The following ARHGAP26 variants were observed in gnomAD, a reference collection of about 807,000 sequenced individuals.
The protein encoded by ARHGAP26 is Rho GTPase activating protein 26, also known as rho GTPase-activating protein 26.
Under a neutral mutation model 104.8 loss-of-function variants are expected in ARHGAP26, and 38 were observed. That is an observed-to-expected ratio of 0.36 (90% CI 0.28 to 0.48). The LOEUF (loss-of-function observed/expected upper bound fraction) is 0.48. ARHGAP26 is among the 20% of genes least tolerant of loss of function. ARHGAP26 has a pLI of 0.99. For missense variants in ARHGAP26, 704 were observed against 947.9 expected, an observed-to-expected ratio of 0.74 and a Z score of 3.38; for synonymous variants, 341 against 340.0, an observed-to-expected ratio of 1.00 and a Z score of -0.03.
At chr5:142,896,945 A>G (rs575543024) in intron 6 of ARHGAP26, among the ~76,000 whole-genome samples, 3 of 152,202 alleles carry the variant, frequency 2.0e-5, no homozygotes, top group African/African-American at 7.2e-5. Flanking sequence ...AGCAATTATT[A>G]TTTTTTATTT....
intron 11 of ARHGAP26, among the ~76,000 whole-genome samples, chr5:142,968,852 C>T (rs1054997356): frequency 6.6e-6 from 1 of 152,194 alleles, no homozygotes; most frequent in Non-Finnish European, 1.5e-5. Flanking sequence ...AATAGATGCT[C>T]AACAAATATT....
At chr5:142,842,559 C>T (rs535503020) in intron 1 of ARHGAP26, among the ~76,000 whole-genome samples, 38 of 152,270 alleles carry the variant, frequency 2.5e-4, no homozygotes, top group African/African-American at 9.1e-4. Context: ...CCCTGTGTGT[C>T]GGGAAGGACT....
At chr5:142,992,016 T>G (rs1562219688) in intron 11 of ARHGAP26, among the ~76,000 whole-genome samples, 1 of 151,948 alleles carries the variant, frequency 6.6e-6, no homozygotes, top group Non-Finnish European at 1.5e-5. Context: ...AATTCTTAAC[T>G]TTTTCAAAAA....
chr5:142,973,668 T>C (rs1290094936), intron 11 of ARHGAP26, among the ~76,000 whole-genome samples: 1 of 152,240 alleles, frequency 6.6e-6, no homozygotes, highest in Non-Finnish European at 1.5e-5. Context: ...AGTTCCTTAA[T>C]TAAAATAAAT....
chr5:143,018,084 C>T (rs1779833808), intron 12 of ARHGAP26, among the ~76,000 whole-genome samples: 1 of 152,200 alleles, frequency 6.6e-6, no homozygotes, highest in Admixed American at 6.5e-5. Flanking sequence ...TTGCATTTCT[C>T]TGGTAATTAA....
chr5:142,786,045 A>G (rs1644057), intron 1 of ARHGAP26, among the ~76,000 whole-genome samples: 13,814 of 150,618 alleles, frequency 0.092, 1,198 homozygotes, highest in African/African-American at 0.24. Context: ...GTCATAGCTC[A>G]CTGTACCCTC....
At chr5:143,065,444 A>T (rs1246324297) in intron 17 of ARHGAP26, among the ~76,000 whole-genome samples, 1 of 152,154 alleles carries the variant, frequency 6.6e-6, no homozygotes, top group African/African-American at 2.4e-5. Flanking sequence ...GCAGACTTCT[A>T]CGTATATGAA....
chr5:142,808,484 C>T (rs371846), intron 1 of ARHGAP26, among the ~76,000 whole-genome samples: 23,251 of 150,944 alleles, frequency 0.15, 2,385 homozygotes, highest in East Asian at 0.4. Flanking sequence ...ATAGTTTATG[C>T]TTAGCAACCT....
chr5:142,926,792 C>T (rs1763969908), intron 10 of ARHGAP26, among the ~76,000 whole-genome samples: 2 of 152,112 alleles, frequency 1.3e-5, no homozygotes, highest in South Asian at 4.1e-4. Flanking sequence ...ACACACCTGC[C>T]CTTCTGCAGC....
intron 20 of ARHGAP26, among the ~76,000 whole-genome samples, chr5:143,196,869 G>C (rs929893475): frequency 2.6e-5 from 4 of 152,198 alleles, no homozygotes; most frequent in African/African-American, 7.2e-5. Context: ...GTCCTCGGAT[G>C]ACCTCAACAG....
Position 143,225,929 on chromosome 5 carries a change from A to T in ARHGAP26, c.*3483A>T. 4.5e-6 allele frequency: 1 copy of T among 221,148 alleles called. No individual in the cohort carries two copies. Among genetic ancestry groups the T allele is most frequent in the Non-Finnish European group, 9.1e-6 (1 of 110,172 alleles). 13.7% of individuals were successfully genotyped at this position (221,148 alleles called of 1,614,324 possible). ...CCAATGAGTAGGAAGGAACTTGAAG[A>T]CTAAAGATTTTACTCTCTCCCCTAT... On this transcript the variant is annotated 3_prime_UTR_variant, in exon 23 of 23. Transcript: ENST00000645722.
At chr5:142,866,595 ACCTC>A (rs2152329336) in intron 1 of ARHGAP26, among the ~76,000 whole-genome samples, 3 of 152,280 alleles carry the variant, frequency 2.0e-5, no homozygotes, top group Admixed American at 2.0e-4. Context: ...AGAATTAGAA[ACCTC>A]ATTTTGGAAA....
At chr5:142,996,964 T>C (rs908034197) in intron 11 of ARHGAP26, among the ~76,000 whole-genome samples, 1 of 152,146 alleles carries the variant, frequency 6.6e-6, no homozygotes, top group Non-Finnish European at 1.5e-5. Flanking sequence ...GAGTCTTAAT[T>C]AGTACAACCA....
chr5:143,031,987 G>A (rs766623041), intron 12 of ARHGAP26, among the ~76,000 whole-genome samples: 6 of 152,074 alleles, frequency 3.9e-5, no homozygotes, highest in Admixed American at 6.5e-5. Context: ...CTCTTCCCAC[G>A]TCTGTGGTTT....
At position 142,907,749 on chromosome 5, in the gene ARHGAP26, G is replaced by A. The variant is rs1212244695; in HGVS notation, c.878G>A (p.Arg293Gln). 18 of 1,612,066 alleles carry A rather than the reference G, an allele frequency of 1.1e-5. No homozygotes were observed. The highest frequency in any genetic ancestry group is 4.0e-5 in the African/African-American group (3 of 74,856). The change falls in exon 9 of 23, where the codon CGG (arginine) becomes CAG (glutamine). Residue 293 changes from arginine (R) to glutamine (Q), a missense_variant. Arg to Gln is a conservative substitution (Grantham distance 43, BLOSUM62 1). Coordinates refer to ENST00000645722, the MANE Select transcript of ARHGAP26 (RefSeq NM_001135608.3). ...SWVKHYCTYQ[R>Q]DSKQITMVPF... is the part of the protein sequence containing the mutation. ...GTGAAGCACTACTGTACATATCAAC[G>A]GGATTCCAAACAAATCACCATGGTA...
At chr5:142,795,129 A>G (rs1760723891) in intron 1 of ARHGAP26, among the ~76,000 whole-genome samples, 1 of 152,180 alleles carries the variant, frequency 6.6e-6, no homozygotes, top group Admixed American at 6.5e-5. Context: ...ACAAGGCAAC[A>G]GCCACATTTT....
At chr5:143,023,811 A>G (rs558404532) in intron 12 of ARHGAP26, among the ~76,000 whole-genome samples, 1 of 152,326 alleles carries the variant, frequency 6.6e-6, no homozygotes, top group South Asian at 2.1e-4. Context: ...CAGGCCTGCC[A>G]GGTCTGAGCT....
At chr5:143,131,091 T>C (rs1009149057) in intron 18 of ARHGAP26, among the ~76,000 whole-genome samples, 2 of 152,204 alleles carry the variant, frequency 1.3e-5, no homozygotes, top group African/African-American at 2.4e-5. Flanking sequence ...GCTGATTCTC[T>C]TATGCTTGAA....
At chr5:142,842,171 G>C (rs1770941657) in intron 1 of ARHGAP26, among the ~76,000 whole-genome samples, 1 of 152,184 alleles carries the variant, frequency 6.6e-6, no homozygotes, top group Non-Finnish European at 1.5e-5. Flanking sequence ...AACACTTGCA[G>C]GGTGTTATAT....
Sources: allele counts gnomAD v4.1 joint callset (sites outside exome capture counted in the v4.1 genomes callset), GRCh38; gene constraint gnomAD v4.1.1; transcripts MANE v1.5; gene names NCBI Gene and HGNC (gene_info 2026-07-23, HGNC 2026-07-21).